Variants in PARD3B observed in about 807,000 individuals in gnomAD.
The protein encoded by PARD3B is partitioning defective 3 homolog B.
Under a neutral mutation model 130.2 loss-of-function variants are expected in PARD3B, and 103 were observed. The observed-to-expected ratio is 0.79, with a 90% CI of 0.67 to 0.93. PARD3B has a LOEUF of 0.93. Ranked by LOEUF, PARD3B falls within the 40% of genes least tolerant of loss-of-function variation. The probability of loss-of-function intolerance (pLI) is 0.00; values close to 1 mark genes in which losing one functional copy is unlikely to be tolerated. For synonymous variants in PARD3B, 583 were observed against 553.2 expected, an observed-to-expected ratio of 1.05 and a Z score of -0.76; for missense variants, 1,609 against 1,499.2, an observed-to-expected ratio of 1.07 and a Z score of -1.21.
rs888072664 is a variant in PARD3B, at chr2:205,441,155, G to A, written c.3044+483G>A. Among the ~76,000 whole-genome samples the A allele has an allele frequency of 6.6e-5, 10 of 152,272 alleles. No individual in the cohort carries two copies. In the East Asian group the frequency reaches 1.9e-3, roughly 29 times the overall value. ...TAAGATGGGGGTTTTGTACTCAAGG[G>A]AAAGGTGACCCTGTATAGATATTCA... On this transcript the variant is annotated intron_variant, in intron 20 of 22. Coordinates refer to ENST00000406610, the MANE Select transcript of PARD3B (RefSeq NM_001302769.2).
intron 16 of PARD3B, among the ~76,000 whole-genome samples, chr2:205,251,678 C>A (rs1445325855): frequency 6.6e-6 from 1 of 151,988 alleles, no homozygotes; most frequent in African/African-American, 2.4e-5. Flanking sequence ...CAGTTATGGC[C>A]ATTTAAAAAA....
intron 3 of PARD3B, among the ~76,000 whole-genome samples, chr2:204,979,343 T>C (rs1163791587): frequency 6.6e-6 from 1 of 152,188 alleles, no homozygotes; most frequent in African/African-American, 2.4e-5. Flanking sequence ...CTGTCTGCCT[T>C]CTGTGTGTGC....
intron 16 of PARD3B, among the ~76,000 whole-genome samples, chr2:205,277,729 AAGG>A (rs1357921184): frequency 2.0e-5 from 3 of 152,098 alleles, no homozygotes; most frequent in Non-Finnish European, 2.9e-5. Flanking sequence ...AGAACAAAGG[AAGG>A]AGAAGAGAGG....
At chr2:204,600,769 C>T (rs1471574378) in intron 1 of PARD3B, among the ~76,000 whole-genome samples, 1 of 151,730 alleles carries the variant, frequency 6.6e-6, no homozygotes, top group East Asian at 1.9e-4. Context: ...GTGATATTGA[C>T]CTGTATTCTT....
intron 1 of PARD3B, among the ~76,000 whole-genome samples, chr2:204,565,590 A>G (rs1398895370): frequency 6.6e-6 from 1 of 152,264 alleles, no homozygotes; most frequent in African/African-American, 2.4e-5. Context: ...TTGAGAAGCT[A>G]TCAAGCTCAC....
rs1239595902 is a variant in PARD3B at position 205,142,358 on chromosome 2, T to C, written c.1435-16364T>C. Among the ~76,000 whole-genome samples the C allele has an allele frequency of 6.6e-6, 1 of 152,192 alleles. No homozygotes were observed. The highest frequency in any genetic ancestry group is 2.4e-5 in the African/African-American group (1 of 41,462). On this transcript the variant is annotated intron_variant, in intron 10 of 22. Coordinates refer to ENST00000406610, the MANE Select transcript of PARD3B (RefSeq NM_001302769.2). The surrounding 1 kb of genome is among the most constrained non-coding windows in gnomAD (Gnocchi z 4.3). The stretch of plus-strand genomic sequence containing the variant: ...TTTAGGTGAGAGGTGTTGAAAACTA[T>C]GATTTTGGTAGATAAGATGAAAGAC...
chr2:205,096,556 T>C (rs531955316), intron 4 of PARD3B, among the ~76,000 whole-genome samples: 1 of 152,318 alleles, frequency 6.6e-6, no homozygotes, highest in Admixed American at 6.5e-5. Flanking sequence ...AAACAGTCCA[T>C]TGAAAGTTGT....
chr2:205,166,175 A>C (rs1466341669), intron 11 of PARD3B, among the ~76,000 whole-genome samples: 1 of 152,232 alleles, frequency 6.6e-6, no homozygotes, highest in East Asian at 1.9e-4. Context: ...CTAGGAAGGT[A>C]GTAACACAAT....
rs1429659979 is a variant in PARD3B, at chr2:205,440,386, C to G, written c.2758C>G (p.Gln920Glu). The stretch of plus-strand genomic sequence containing the variant: ...ATTTTTCAGGATTGGAGCAAAACAT[C>G]AGGAGCTAAGGGAAAAGCAGGCAAG... The part of the protein sequence containing the change: ...EERERIGAKH[Q>E]ELREKQARGL... The change falls in exon 20 of 23, where the codon CAG (glutamine) becomes GAG (glutamate). Residue 920 changes from glutamine (Q) to glutamate (E), a missense_variant. Transcript: ENST00000406610. This position sits in a 1 kb window ranked among gnomAD's most constrained non-coding sequence, Gnocchi z 4.2. 1 of 1,613,860 alleles carries G rather than the reference C, an allele frequency of 6.2e-7. No homozygotes were observed. Among genetic ancestry groups the G allele is most frequent in the South Asian group, 1.1e-5 (1 of 91,066 alleles).
At chr2:204,818,131 C>T (rs2043210415) in intron 2 of PARD3B, among the ~76,000 whole-genome samples, 1 of 152,274 alleles carries the variant, frequency 6.6e-6, no homozygotes, top group Non-Finnish European at 1.5e-5. Context: ...TCTGCTTTAG[C>T]ATTCAGCAGA....
chr2:204,727,144 GGT>G (rs72223664), intron 2 of PARD3B, among the ~76,000 whole-genome samples: 46,011 of 151,968 alleles, frequency 0.3, 8,185 homozygotes, highest in African/African-American at 0.5. Flanking sequence ...TGAGAAGCTT[GGT>G]GTCAGAGCTG....
At chr2:205,182,354 C>A (rs1328221591) in intron 13 of PARD3B, among the ~76,000 whole-genome samples, 1 of 150,062 alleles carries the variant, frequency 6.7e-6, no homozygotes, top group African/African-American at 2.5e-5. Context: ...CTTACCTCAA[C>A]AAACAAGGTA....
chr2:204,621,400 A>G (rs369752916), intron 1 of PARD3B, among the ~76,000 whole-genome samples: 1 of 152,140 alleles, frequency 6.6e-6, no homozygotes, highest in African/African-American at 2.4e-5. Flanking sequence ...CTATGCTTTA[A>G]TAAGTTCTAT....
chr2:205,340,606 A>G (rs966901782), intron 18 of PARD3B, among the ~76,000 whole-genome samples: 2 of 152,192 alleles, frequency 1.3e-5, no homozygotes, highest in Admixed American at 6.5e-5. Context: ...CTCAAAATGA[A>G]TTAAAGACTT....
At chr2:205,101,724 T>C (rs1442919003) in intron 4 of PARD3B, among the ~76,000 whole-genome samples, 5 of 152,220 alleles carry the variant, frequency 3.3e-5, no homozygotes, top group African/African-American at 7.2e-5. Flanking sequence ...TACTGATATA[T>C]GCTACAACAT....
In PARD3B at chr2:205,428,029, A is replaced by G. The variant is rs542043014; in HGVS notation, c.2742-12341A>G. Among the ~76,000 whole-genome samples, 44 of 152,268 alleles carry G rather than the reference A, an allele frequency of 2.9e-4. No individual in the cohort carries two copies. The South Asian group carries it at 8.9e-3, about 31-fold the overall frequency. ...GAAACCTAATCATCAGCGTGATAGTATTAGGAGGTGGGGCCTTTGAGAAGT... is the reference window on the plus strand; with the variant it reads ...GAAACCTAATCATCAGCGTGATAGTGTTAGGAGGTGGGGCCTTTGAGAAGT... On this transcript the variant is annotated intron_variant, in intron 19 of 22. Transcript: ENST00000406610.
At chr2:204,628,290 T>TA (rs1481503466) in intron 1 of PARD3B, among the ~76,000 whole-genome samples, 6 of 151,662 alleles carry the variant, frequency 4.0e-5, no homozygotes, top group Non-Finnish European at 7.4e-5. Flanking sequence ...TTTTTTTTTT[T>TA]AATTAACTTT....
At chr2:205,266,859 G>T (rs2040523798) in intron 16 of PARD3B, among the ~76,000 whole-genome samples, 1 of 152,018 alleles carries the variant, frequency 6.6e-6, no homozygotes, top group South Asian at 2.1e-4. Flanking sequence ...TCAGGTTGAG[G>T]GAATATAAGT....
At position 205,185,820 on chromosome 2, in the gene PARD3B, C is replaced by G. The variant is rs777201741; in HGVS notation, c.1981C>G (p.Pro661Ala). The G allele has an allele frequency of 8.7e-6, 14 of 1,613,954 alleles. No homozygotes were observed. In the African/African-American group the frequency reaches 1.5e-4, roughly 17 times the overall value. The change falls in exon 14 of 23, where the codon CCA becomes GCA. Residue 661 changes from proline (P) to alanine (A), a missense_variant. By Grantham distance (27) the Pro-to-Ala change is conservative. Transcript: ENST00000406610. The part of the protein sequence containing the change: ...AESEVPPSPT[P>A]HSALGLGLED... ...GAGTGAAGTTCCACCTTCTCCAACA[C>G]CACATTCTGCTCTGGGATTGGGCCT...
Sources: allele counts gnomAD v4.1 joint callset (sites outside exome capture counted in the v4.1 genomes callset), GRCh38; gene constraint gnomAD v4.1.1; non-coding constraint Gnocchi (gnomAD v3.1); transcripts MANE v1.5; gene names NCBI Gene and HGNC (gene_info 2026-07-23, HGNC 2026-07-21).